The following LRP1B variants were observed in gnomAD, a reference collection of about 807,000 sequenced individuals.
LRP1B encodes the protein low-density lipoprotein receptor-related protein 1B.
A neutral mutation model predicts 556.6 loss-of-function variants in LRP1B; 217 were observed. The ratio of observed to expected loss-of-function variants is 0.39; its 90% CI spans 0.35 to 0.44. The LOEUF is 0.44. LRP1B is among the 20% of genes least tolerant of loss of function. The pLI is 1.00. For missense variants in LRP1B, 5,053 were observed against 5,620.8 expected (o/e 0.90, Z 3.23); for synonymous variants, 2,047 against 1,865.8 (o/e 1.10, Z -2.50).
chr2:141,589,213 A>G (rs1687244161), intron 2 of LRP1B, among the ~76,000 whole-genome samples: 1 of 152,070 alleles, frequency 6.6e-6, no homozygotes, highest in African/African-American at 2.4e-5. Context: ...TCTCTTTAAA[A>G]AAAGAGATGA....
At chr2:140,359,567 A>G (rs1226015547) in intron 72 of LRP1B, among the ~76,000 whole-genome samples, 1 of 151,594 alleles carries the variant, frequency 6.6e-6, no homozygotes, top group Non-Finnish European at 1.5e-5. Context: ...TAATCTGAAG[A>G]CTTCCACTCT....
chr2:141,128,348 G>C (rs1416291624), intron 7 of LRP1B, among the ~76,000 whole-genome samples: 1 of 152,186 alleles, frequency 6.6e-6, no homozygotes, highest in East Asian at 1.9e-4. Context: ...GAGACACACT[G>C]TTTTAGATCA....
chr2:140,518,555 G>T (rs1690016285), intron 49 of LRP1B, among the ~76,000 whole-genome samples: 1 of 152,142 alleles, frequency 6.6e-6, no homozygotes, highest in South Asian at 2.1e-4. Flanking sequence ...TCATACTGAG[G>T]TAAAGAATGT....
chr2:140,707,744 A>T (rs1228589128), intron 37 of LRP1B, among the ~76,000 whole-genome samples: 2 of 152,068 alleles, frequency 1.3e-5, no homozygotes, highest in African/African-American at 4.8e-5. Context: ...TTCTTCATTT[A>T]CGTACAGTTT....
At chr2:142,099,510 A>T (rs1278228024) in intron 1 of LRP1B, among the ~76,000 whole-genome samples, 1 of 151,968 alleles carries the variant, frequency 6.6e-6, no homozygotes, top group Non-Finnish European at 1.5e-5. Context: ...ATGATAAGAA[A>T]GGCACCTTCT....
At chr2:141,008,537 A>T (rs555351581) in intron 14 of LRP1B, among the ~76,000 whole-genome samples, 8 of 151,882 alleles carry the variant, frequency 5.3e-5, no homozygotes, top group African/African-American at 1.9e-4. Flanking sequence ...AAATATACCA[A>T]AACCAACAAA....
At chr2:140,872,181 C>T (rs945338060) in intron 25 of LRP1B, among the ~76,000 whole-genome samples, 1 of 150,214 alleles carries the variant, frequency 6.7e-6, no homozygotes, top group Non-Finnish European at 1.5e-5. Context: ...CTTTCACCCC[C>T]TGCTGCATGA....
At position 140,868,337 on chromosome 2, in the gene LRP1B, T is replaced by C. The variant is rs919119668; in HGVS notation, c.4170-74A>G. The C allele has an allele frequency of 1.8e-5, 24 of 1,352,278 alleles. No homozygotes were observed. In the African/African-American group the frequency reaches 2.1e-4, roughly 12 times the overall value. 83.8% of individuals were successfully genotyped at this position (1,352,278 alleles called of 1,614,324 possible). A position where few individuals can be genotyped will look rare whatever the true frequency, so the allele number is the denominator to read the frequency against. ...ATTTCACAGATATTTATTGAGTGCCTACCATATGCTAGGCACTGGATAGGT... is the reference window on the plus strand; with the variant it reads ...ATTTCACAGATATTTATTGAGTGCCCACCATATGCTAGGCACTGGATAGGT... On this transcript the variant is annotated intron_variant, in intron 25 of 90. Coordinates refer to ENST00000389484, the MANE Select transcript of LRP1B (RefSeq NM_018557.3).
chr2:141,910,797 T>G (rs1699889722), intron 1 of LRP1B, among the ~76,000 whole-genome samples: 1 of 152,166 alleles, frequency 6.6e-6, no homozygotes, highest in Admixed American at 6.6e-5. Context: ...TTTCAATTTT[T>G]TTTAAAAAAG....
intron 37 of LRP1B, among the ~76,000 whole-genome samples, chr2:140,711,709 G>A (rs1405359450): frequency 1.3e-5 from 2 of 152,060 alleles, no homozygotes; most frequent in Non-Finnish European, 2.9e-5. Context: ...TGCTACAATA[G>A]CTTCAGCAAA....
intron 21 of LRP1B, among the ~76,000 whole-genome samples, chr2:140,914,852 G>A (rs938753286): frequency 6.6e-6 from 1 of 152,154 alleles, no homozygotes; most frequent in Non-Finnish European, 1.5e-5. Context: ...AAGAAGCCGA[G>A]GTGCAGTACT....
intron 2 of LRP1B, among the ~76,000 whole-genome samples, chr2:141,797,893 A>G (rs1485491158): frequency 6.6e-6 from 1 of 152,220 alleles, no homozygotes; most frequent in African/African-American, 2.4e-5. Flanking sequence ...CATCAATATC[A>G]TAATAAACAA....
chr2:142,038,094 T>C (rs552457463), intron 1 of LRP1B, among the ~76,000 whole-genome samples: 12 of 151,644 alleles, frequency 7.9e-5, no homozygotes, highest in Admixed American at 2.0e-4. Context: ...TCTTCAATTA[T>C]TTAAAGCAAC....
At chr2:140,414,387 T>G (rs901484838) in intron 66 of LRP1B, among the ~76,000 whole-genome samples, 2 of 151,476 alleles carry the variant, frequency 1.3e-5, no homozygotes, top group Admixed American at 1.3e-4. Flanking sequence ...GTAAAATATT[T>G]AAAAAAAAAT....
chr2:141,658,789 T>A (rs1690107055), intron 2 of LRP1B, among the ~76,000 whole-genome samples: 1 of 152,156 alleles, frequency 6.6e-6, no homozygotes, highest in Admixed American at 6.5e-5. Flanking sequence ...AAGATTGAGT[T>A]TTGCAACTAT....
chr2:140,358,779 C>A (rs1267877987), intron 73 of LRP1B, 42 bp downstream of exon 73: 1 of 1,596,344 alleles, frequency 6.3e-7, no homozygotes, highest in Admixed American at 1.7e-5. Flanking sequence ...ATCAGAGAAC[C>A]TCATAGCCAT....
chr2:141,118,073 C>T (rs954725367), intron 7 of LRP1B, among the ~76,000 whole-genome samples: 2 of 151,780 alleles, frequency 1.3e-5, no homozygotes, highest in African/African-American at 2.4e-5. Context: ...AAACTTTGTA[C>T]CAAACAAATG....
At chr2:141,754,628 A>G (rs1470188163) in intron 2 of LRP1B, among the ~76,000 whole-genome samples, 1 of 152,146 alleles carries the variant, frequency 6.6e-6, no homozygotes, top group Non-Finnish European at 1.5e-5. Context: ...GACGCAGTTT[A>G]CCAAAGTTTC....
At chr2:140,995,266 C>T (rs1226796881) in intron 15 of LRP1B, among the ~76,000 whole-genome samples, 2 of 152,032 alleles carry the variant, frequency 1.3e-5, no homozygotes, top group Non-Finnish European at 2.9e-5. Context: ...TTTTAGAAAA[C>T]TTCCAACCTT....
Sources: gnomAD v4.1 joint callset for allele counts (sites outside exome capture counted in the v4.1 genomes callset) on GRCh38, gnomAD v4.1.1 for gene constraint, MANE v1.5 for transcripts, NCBI Gene and HGNC (gene_info 2026-07-23, HGNC 2026-07-21) for gene names.